The following TXNRD1 variants were observed in gnomAD, a reference collection of about 807,000 sequenced individuals.
The protein encoded by TXNRD1 is thioredoxin reductase 1, cytoplasmic.
In TXNRD1, 57 loss-of-function variants were observed where a neutral mutation model predicts 80.3. That is an observed-to-expected ratio of 0.71 (90% CI 0.57 to 0.89). The LOEUF (loss-of-function observed/expected upper bound fraction) is 0.89, where lower values mean the gene tolerates loss of function less well. Ranked by LOEUF, TXNRD1 falls within the 40% of genes least tolerant of loss-of-function variation. The pLI is 0.00. For missense variants in TXNRD1, 730 were observed against 803.0 expected, an observed-to-expected ratio of 0.91 and a Z score of 1.10; for synonymous variants, 291 against 285.2, an observed-to-expected ratio of 1.02 and a Z score of -0.20.
At chr12:104,217,177 G>A (rs769991937) in intron 1 of TXNRD1, among the ~76,000 whole-genome samples, 4 of 151,958 alleles carry the variant, frequency 2.6e-5, no homozygotes, top group Admixed American at 6.6e-5. Flanking sequence ...GTTTGAGCAG[G>A]TGCATCCCAA....
chr12:104,319,441 A>G, intron 8 of TXNRD1, 29 bp from the exon 9 acceptor site: 1 of 1,405,836 alleles, frequency 7.1e-7, no homozygotes, highest in South Asian at 1.2e-5. Flanking sequence ...TGATTACTTA[A>G]TAAGGTTTTC....
chr12:104,312,006 A>G (rs35188394), intron 5 of TXNRD1, among the ~76,000 whole-genome samples: 4,234 of 150,328 alleles, frequency 0.028, 165 homozygotes, highest in African/African-American at 0.089. Flanking sequence ...ATATATGTGT[A>G]TATATATGTA....
Position 104,318,908 on chromosome 12 carries a change from T to C in TXNRD1, c.731-5T>C, listed in dbSNP as rs925594478. ...AACAAGATTTTGTTTTATTTTCTTA[T>C]ACAGTTAAGCATGATTGGGACAGAA... On this transcript the variant is annotated splice_polypyrimidine_tract_variant and splice_region_variant and intron_variant, in intron 7 of 16. Transcript: ENST00000525566. The C allele has an allele frequency of 6.9e-6, 11 of 1,599,540 alleles. No homozygotes were observed. The African/African-American group carries it at 1.1e-4, about 16-fold the overall frequency.
intron 6 of TXNRD1, 79 bp downstream of exon 6, chr12:104,313,396 C>T (rs759869407): frequency 1.6e-5 from 18 of 1,145,722 alleles, no homozygotes; most frequent in Non-Finnish European, 2.2e-5. Flanking sequence ...TTCCTAAAGC[C>T]TAATTAAAAA....
chr12:104,299,970 G>T (rs1182476278), intron 4 of TXNRD1, among the ~76,000 whole-genome samples: 1 of 152,166 alleles, frequency 6.6e-6, no homozygotes, highest in African/African-American at 2.4e-5. Context: ...AAGTGTATAT[G>T]TTAGAGTGTG....
chr12:104,252,450 A>G (rs1434804200), intron 2 of TXNRD1, among the ~76,000 whole-genome samples: 1 of 151,366 alleles, frequency 6.6e-6, no homozygotes, highest in Non-Finnish European at 1.5e-5. Flanking sequence ...CAAGGGGAGG[A>G]TTAGTTTAGT....
At chr12:104,336,931 A>G (rs2036158580) in intron 15 of TXNRD1, among the ~76,000 whole-genome samples, 1 of 152,136 alleles carries the variant, frequency 6.6e-6, no homozygotes, top group Non-Finnish European at 1.5e-5. Flanking sequence ...ATACCATGCT[A>G]TTAACTATTA....
chr12:104,347,965 G>A (rs1400023657), intron 16 of TXNRD1, among the ~76,000 whole-genome samples: 1 of 152,158 alleles, frequency 6.6e-6, no homozygotes, highest in African/African-American at 2.4e-5. Flanking sequence ...TGGAGGGAAA[G>A]GAGGAAAAGG....
At chr12:104,295,465 C>T (rs1325441615) in intron 4 of TXNRD1, among the ~76,000 whole-genome samples, 1 of 152,176 alleles carries the variant, frequency 6.6e-6, no homozygotes, top group South Asian at 2.1e-4. Flanking sequence ...CCCAGATCTG[C>T]ATCCAGAACG....
intron 7 of TXNRD1, among the ~76,000 whole-genome samples, chr12:104,318,015 C>T (rs1458962062): frequency 6.6e-6 from 1 of 152,174 alleles, no homozygotes; most frequent in African/African-American, 2.4e-5. Context: ...ATGGCCCACA[C>T]TTGTAGTCCC....
chr12:104,269,096 G>A lies in TXNRD1; in HGVS notation c.304+11017G>A, dbSNP rs768357688. 4.0e-4 allele frequency among the ~76,000 whole-genome samples: 58 copies of A among 146,120 alleles called. 1 individual carries two copies. Among genetic ancestry groups the A allele is most frequent in the African/African-American group, 1.4e-3 (55 of 39,528 alleles). On this transcript the variant is annotated intron_variant, in intron 3 of 16. Coordinates refer to ENST00000525566, the MANE Select transcript of TXNRD1 (RefSeq NM_001093771.3). ...ATTTTTGTATTTTTAGTAGAGATGG[G>A]GTTTCTCCATGTTGGCCAGGCTGGT...
At chr12:104,245,205 G>A (rs1018780732) in intron 1 of TXNRD1, among the ~76,000 whole-genome samples, 3 of 151,674 alleles carry the variant, frequency 2.0e-5, no homozygotes, top group African/African-American at 7.3e-5. Context: ...AAAGCTAGTC[G>A]TCACAAATAA....
At chr12:104,327,872 G>A (rs778041060) in intron 13 of TXNRD1, among the ~76,000 whole-genome samples, 17 of 151,078 alleles carry the variant, frequency 1.1e-4, no homozygotes, top group Middle Eastern at 6.8e-3. Flanking sequence ...TATGAAGATC[G>A]ACACTCCGCC....
chr12:104,287,086 T>A, intron 3 of TXNRD1: 1 of 1,438,192 alleles, frequency 7.0e-7, no homozygotes, highest in Non-Finnish European at 9.1e-7. Flanking sequence ...GAGGGCCTGA[T>A]GTCTTCATCA....
chr12:104,336,510 TA>T (rs1372183772), intron 15 of TXNRD1, among the ~76,000 whole-genome samples: 2 of 152,256 alleles, frequency 1.3e-5, no homozygotes, highest in African/African-American at 4.8e-5. Flanking sequence ...TCCTTGATTC[TA>T]AATTGTACTT....
At chr12:104,225,866 CA>C in intron 1 of TXNRD1, among the ~76,000 whole-genome samples, 1 of 151,956 alleles carries the variant, frequency 6.6e-6, no homozygotes, top group Non-Finnish European at 1.5e-5. Context: ...GAAATAAAAT[CA>C]AACTTTTTAG....
intron 1 of TXNRD1, among the ~76,000 whole-genome samples, chr12:104,250,246 T>A (rs576973127): frequency 1.3e-5 from 2 of 152,068 alleles, no homozygotes; most frequent in African/African-American, 4.8e-5. Flanking sequence ...ATAGAACACA[T>A]GCAAATTAAC....
chr12:104,267,721 C>CTTTCTCTCTTTCTTTT, intron 3 of TXNRD1, among the ~76,000 whole-genome samples: 1 of 84,770 alleles, frequency 1.2e-5, no homozygotes, highest in South Asian at 3.9e-4. Flanking sequence ...TTCTTTCTTT[C>CTTTCTCTCTTTCTTTT]TCTTTCTTTC....
At chr12:104,328,500 T>C (rs533306402) in intron 13 of TXNRD1, among the ~76,000 whole-genome samples, 83 of 152,294 alleles carry the variant, frequency 5.4e-4, no homozygotes, top group African/African-American at 1.9e-3. Context: ...CTCATGCCTG[T>C]AATCCCAGCA....
Sources: allele counts gnomAD v4.1 joint callset (sites outside exome capture counted in the v4.1 genomes callset), GRCh38; gene constraint gnomAD v4.1.1; transcripts MANE v1.5; gene names NCBI Gene and HGNC (gene_info 2026-07-23, HGNC 2026-07-21).